The following LRIG1 variants were observed in gnomAD, a reference collection of about 807,000 sequenced individuals.
The protein encoded by LRIG1 is leucine-rich repeats and immunoglobulin-like domains protein 1.
In LRIG1, 48 loss-of-function variants were observed where a neutral mutation model predicts 99.2. The ratio of observed to expected loss-of-function variants is 0.48; its 90% CI spans 0.38 to 0.62. LRIG1 has a LOEUF of 0.62. Among genes scored for constraint, LRIG1 ranks in the 20% least tolerant of loss-of-function variants. The probability of loss-of-function intolerance (pLI) is 0.00; values close to 1 mark genes in which losing one functional copy is unlikely to be tolerated. For missense variants in LRIG1, 1,646 were observed against 1,434.4 expected (o/e 1.15, Z -2.38); for synonymous variants, 772 against 596.1 (o/e 1.29, Z -4.30).
intron 1 of LRIG1, among the ~76,000 whole-genome samples, chr3:66,484,653 G>A (rs553832669): frequency 6.6e-6 from 1 of 152,246 alleles, no homozygotes; most frequent in South Asian, 2.1e-4. Context: ...GCTGGGACAG[G>A]TGGGGCCAGG....
chr3:66,488,180 T>TC (rs1202652247), intron 1 of LRIG1, among the ~76,000 whole-genome samples: 28 of 152,118 alleles, frequency 1.8e-4, no homozygotes, highest in Admixed American at 1.8e-3. Flanking sequence ...TTCTAGATTC[T>TC]CCATGAAAAG....
In LRIG1 at chr3:66,381,510, T is replaced by A. The variant is rs751489535; in HGVS notation, c.2739A>T (p.Lys913Asn). The change falls in exon 17 of 19, where the codon AAA becomes AAT. Residue 913 changes from lysine (K) to asparagine (N), a missense_variant. Physicochemically the swap from Lys to Asn is moderately conservative, Grantham distance 94. Coordinates refer to ENST00000273261, the MANE Select transcript of LRIG1 (RefSeq NM_015541.3). The stretch of plus-strand genomic sequence containing the variant: ...TATGTGGCCCAGGTGTCCCTTCAGC[T>A]TTCTCCATCGCTTTCCACGGCTCTT... Reference protein sequence around the residue: ...YHKEPWKAMEKAEGTPGPHKM... With the variant: ...YHKEPWKAMENAEGTPGPHKM... 4.3e-6 allele frequency: 7 copies of A among 1,613,966 alleles called. No homozygotes were observed. The South Asian group carries it at 7.7e-5, about 18-fold the overall frequency.
intron 11 of LRIG1, among the ~76,000 whole-genome samples, chr3:66,394,888 G>C (rs1189005091): frequency 6.6e-6 from 1 of 152,224 alleles, no homozygotes; most frequent in Non-Finnish European, 1.5e-5. Flanking sequence ...TCCCTAAATA[G>C]TGCTTGTTAG....
chr3:66,473,217 A>G (rs1162884392), intron 1 of LRIG1, among the ~76,000 whole-genome samples: 1 of 152,226 alleles, frequency 6.6e-6, no homozygotes, highest in Non-Finnish European at 1.5e-5. Context: ...CCTTAGTGCT[A>G]CTGGCATCTC....
intron 3 of LRIG1, among the ~76,000 whole-genome samples, chr3:66,419,964 T>G (rs1294970651): frequency 6.6e-6 from 1 of 152,214 alleles, no homozygotes; most frequent in Non-Finnish European, 1.5e-5. Flanking sequence ...ACTTACAGTC[T>G]ATTCCCAACC....
chr3:66,435,775 A>G (rs1166485141), intron 3 of LRIG1, among the ~76,000 whole-genome samples: 4 of 86,682 alleles, frequency 4.6e-5, no homozygotes, highest in South Asian at 6.1e-4. Flanking sequence ...GGATCTCCCC[A>G]TATTACTTTT....
At chr3:66,456,645 A>C (rs1034621025) in intron 2 of LRIG1, among the ~76,000 whole-genome samples, 1 of 151,174 alleles carries the variant, frequency 6.6e-6, no homozygotes, top group African/African-American at 2.4e-5. Flanking sequence ...AACCCTCATT[A>C]TTTTACCCTC....
intron 1 of LRIG1, among the ~76,000 whole-genome samples, chr3:66,488,108 G>A (rs1030132339): frequency 6.6e-6 from 1 of 152,136 alleles, no homozygotes; most frequent in African/African-American, 2.4e-5. Context: ...AATTTCCACT[G>A]AAGGCACTAA....
Position 66,398,934 on chromosome 3 carries a change from G to T in LRIG1, c.1232+36C>A, listed in dbSNP as rs750733773. On this transcript the variant is annotated intron_variant, in intron 10 of 18. Transcript: ENST00000273261. Reference sequence around the variant, plus strand: ...AACTCCCCGGCAGCCGCATTCAGCAGGCTGTGCCTCAGGGCAGGGCTGGTG... The same window carrying T: ...AACTCCCCGGCAGCCGCATTCAGCATGCTGTGCCTCAGGGCAGGGCTGGTG... 4.3e-5 allele frequency: 68 copies of T among 1,589,572 alleles called. 1 individual carries two copies. The South Asian group carries it at 7.4e-4, about 17-fold the overall frequency.
rs1700949864 is a variant in LRIG1 at position 66,380,170 on chromosome 3, G to A, written c.*93C>T. ...CACATGGGAGTTACAACTATGTACA[G>A]ATGAGTGACGCTTGAACCCAAGCTT... On this transcript the variant is annotated 3_prime_UTR_variant, in exon 19 of 19. Transcript: ENST00000273261. 1.0e-6 allele frequency: 1 copy of A among 985,382 alleles called. No homozygotes were observed. The highest frequency in any genetic ancestry group is 1.5e-6 in the Non-Finnish European group (1 of 665,956). 61.0% of individuals were successfully genotyped at this position (985,382 alleles called of 1,614,324 possible). A position where few individuals can be genotyped will look rare whatever the true frequency, so the allele number is the denominator to read the frequency against.
intron 3 of LRIG1, among the ~76,000 whole-genome samples, chr3:66,421,387 G>C (rs934609267): frequency 6.6e-6 from 1 of 152,164 alleles, no homozygotes; most frequent in African/African-American, 2.4e-5. Context: ...GATACAATAG[G>C]GGTATCAGTA....
intron 1 of LRIG1, among the ~76,000 whole-genome samples, chr3:66,468,477 T>C (rs1421955275): frequency 6.6e-6 from 1 of 152,234 alleles, no homozygotes; most frequent in Non-Finnish European, 1.5e-5. Flanking sequence ...GGCTAGCCTA[T>C]TTCCCATTAC....
intron 3 of LRIG1, among the ~76,000 whole-genome samples, chr3:66,418,446 G>A (rs1005345724): frequency 6.6e-6 from 1 of 152,180 alleles, no homozygotes; most frequent in Non-Finnish European, 1.5e-5. Context: ...ACAAGCAACA[G>A]TTATAAGTCA....
chr3:66,453,205 G>A (rs1703963767), intron 2 of LRIG1, among the ~76,000 whole-genome samples: 3 of 152,226 alleles, frequency 2.0e-5, no homozygotes, highest in Non-Finnish European at 4.4e-5. Flanking sequence ...TCGGGGACCT[G>A]CTGTCAATCA....
In LRIG1 at chr3:66,436,774, G is replaced by A. The variant is rs115567145; in HGVS notation, c.365+14785C>T. Among the ~76,000 whole-genome samples, 1,265 of 152,266 alleles carry A rather than the reference G, an allele frequency of 8.3e-3. 13 individuals carry two copies. Among genetic ancestry groups the A allele is most frequent in the Middle Eastern group, 0.017 (5 of 294 alleles). On this transcript the variant is annotated intron_variant, in intron 3 of 18. Coordinates refer to ENST00000273261, the MANE Select transcript of LRIG1 (RefSeq NM_015541.3). The stretch of plus-strand genomic sequence containing the variant: ...CTCTACTGCCAGGGGAACGTGAGGA[G>A]TGGATTTTATCATTCTCTAGGTCAG...
rs375440595 is a variant in LRIG1 at position 66,410,268 on chromosome 3, G to A, written c.796C>T (p.Leu266=). 207 of 1,604,620 alleles carry A rather than the reference G, an allele frequency of 1.3e-4. 1 individual carries two copies. The South Asian group carries it at 1.6e-3, about 12-fold the overall frequency. ...ACTTCTACCAGGCTGTTGTACTCCA[G>A]GTGCCTGCAATGACAGCCATGCACA... ...WGLSKMHVLH[L]EYNSLVEVNS... is the part of the protein sequence containing the mutation. The change falls in exon 7 of 19, where the codon CTG becomes TTG. Residue 266 remains leucine (L), a synonymous_variant. Transcript: ENST00000273261.
Position 66,412,945 on chromosome 3 carries a change from C to T in LRIG1, c.717G>A (p.Val239=), listed in dbSNP as rs1702516706. The part of the protein sequence containing the change: ...LTFQGLNSLE[V]LKLQRNNISK... Reference sequence around the variant, plus strand: ...TGATGTTGTTTCGCTGAAGCTTCAGCACCTCCAAGCTGTTGAGCCCCTGGA... The same window carrying T: ...TGATGTTGTTTCGCTGAAGCTTCAGTACCTCCAAGCTGTTGAGCCCCTGGA... The change falls in exon 6 of 19, where the codon GTG becomes GTA. Residue 239 remains valine, a synonymous_variant. Coordinates refer to ENST00000273261, the MANE Select transcript of LRIG1 (RefSeq NM_015541.3). 1.2e-6 allele frequency: 2 copies of T among 1,614,114 alleles called. No homozygotes were observed. The highest frequency in any genetic ancestry group is 1.3e-5 in the African/African-American group (1 of 74,932).
rs1350008576 is a variant in LRIG1 at position 66,384,011 on chromosome 3, T to C, written c.2051A>G (p.Asn684Ser). The C allele has an allele frequency of 6.2e-7, 1 of 1,613,150 alleles. No homozygotes were observed. The highest frequency in any genetic ancestry group is 8.5e-7 in the Non-Finnish European group (1 of 1,179,538). The stretch of plus-strand genomic sequence containing the variant: ...CAAACCTAGGACAGTCAGGGTGGCA[T>C]TAGCTGAAATAGAACCGGCTGAGTT... ...AQNSAGSISA[N>S]ATLTVLETPS... Residue 684 changes from asparagine to serine, a missense_variant, in exon 14 of 19, where the codon AAT (asparagine) becomes AGT (serine). Transcript: ENST00000273261.
intron 6 of LRIG1, among the ~76,000 whole-genome samples, chr3:66,412,376 G>A (rs544466171): frequency 1.3e-4 from 20 of 152,314 alleles, no homozygotes; most frequent in African/African-American, 4.3e-4. Flanking sequence ...AAGCAGGGGC[G>A]GGGGCAGTGG....
Sources: gnomAD v4.1 joint callset for allele counts (sites outside exome capture counted in the v4.1 genomes callset) on GRCh38, gnomAD v4.1.1 for gene constraint, MANE v1.5 for transcripts, NCBI Gene and HGNC (gene_info 2026-07-23, HGNC 2026-07-21) for gene names.